Variants in DHRS4L2 observed in about 807,000 individuals in gnomAD.
DHRS4L2 encodes dehydrogenase/reductase 4 like 2, also known as dehydrogenase/reductase SDR family member 4-like 2.
DHRS4L2 carries 22 observed loss-of-function variants against 23.9 expected under a neutral mutation model. That is an observed-to-expected ratio of 0.92 (90% CI 0.66 to 1.31). DHRS4L2 has a LOEUF of 1.31. Among genes scored for constraint, DHRS4L2 ranks in the 40% most tolerant of loss-of-function variants. The probability of loss-of-function intolerance (pLI) is 0.00; values close to 1 mark genes in which losing one functional copy is unlikely to be tolerated. For missense variants in DHRS4L2, 385 were observed against 303.3 expected (o/e 1.27, Z -2.00); for synonymous variants, 141 against 123.7 (o/e 1.14, Z -0.93).
At chr14:23,983,151 C>G (rs1432808235) in intron 1 of DHRS4L2, among the ~76,000 whole-genome samples, 2 of 151,618 alleles carry the variant, frequency 1.3e-5, no homozygotes, top group African/African-American at 2.4e-5. Flanking sequence ...GGGCTAATAT[C>G]CAAAATCTAC....
intron 1 of DHRS4L2, among the ~76,000 whole-genome samples, chr14:23,975,879 G>C (rs1331155284): frequency 6.6e-6 from 1 of 151,630 alleles, no homozygotes; most frequent in South Asian, 2.1e-4. Context: ...TTTAATAAAT[G>C]GTGCTGGGAA....
chr14:23,979,166 A>G (rs2034018636), intron 1 of DHRS4L2, among the ~76,000 whole-genome samples: 1 of 149,122 alleles, frequency 6.7e-6, no homozygotes, highest in Non-Finnish European at 1.5e-5. Context: ...GATAAAACAG[A>G]CTTTAAACCA....
chr14:24,001,651 T>G, intron 6 of DHRS4L2, 134 bp downstream of exon 6: 5 of 1,340,030 alleles, frequency 3.7e-6, no homozygotes, highest in Non-Finnish European at 5.0e-6. Context: ...CCATATTCCC[T>G]CTCTGTACCA....
intron 1 of DHRS4L2, among the ~76,000 whole-genome samples, chr14:23,971,688 A>G (rs181394848): frequency 2.0e-5 from 3 of 152,164 alleles, no homozygotes; most frequent in African/African-American, 7.2e-5. Flanking sequence ...ATTCTGAAAG[A>G]AAAGATTTTT....
At chr14:23,984,389 T>C (rs1041671950), upstream of DHRS4L2, among the ~76,000 whole-genome samples, 2 of 151,638 alleles carry the variant, frequency 1.3e-5, no homozygotes, top group African/African-American at 4.8e-5. Flanking sequence ...TCAGAGAAAA[T>C]TGATTTCTAT....
At chr14:23,979,008 G>C (rs1286177397) in intron 1 of DHRS4L2, among the ~76,000 whole-genome samples, 2 of 142,134 alleles carry the variant, frequency 1.4e-5, no homozygotes, top group African/African-American at 2.7e-5. Flanking sequence ...TGGCAAATTG[G>C]ATAAAGAGTC....
chr14:23,976,947 T>C (rs2033977730), intron 1 of DHRS4L2, among the ~76,000 whole-genome samples: 1 of 150,526 alleles, frequency 6.6e-6, no homozygotes, highest in African/African-American at 2.4e-5. Context: ...CACACCAGGG[T>C]CTGTTGGGGG....
At position 23,989,056 on chromosome 14, in the gene DHRS4L2, G is replaced by T. The variant is rs756901558; in HGVS notation, c.109G>T (p.Val37Leu). ...RDPLTNKVAL[V>L]TASTDGIGFA... ...CCCGCTCACAAATAAGGTGGCCCTGGTAACGGCCTCCACCGACGGGTGAGT... is the reference window on the plus strand; with the variant it reads ...CCCGCTCACAAATAAGGTGGCCCTGTTAACGGCCTCCACCGACGGGTGAGT... Residue 37 changes from valine to leucine, a missense_variant, in exon 1 of 8, where the codon GTA (valine) becomes TTA (leucine). Val to Leu is a conservative substitution (Grantham distance 32, BLOSUM62 1). Coordinates refer to ENST00000335125, the MANE Select transcript of DHRS4L2 (RefSeq NM_198083.4). 2.2e-5 allele frequency: 35 copies of T among 1,585,562 alleles called. 3 individuals carry two copies. Among genetic ancestry groups the T allele is most frequent in the Admixed American group, 5.4e-5 (3 of 55,318 alleles).
chr14:23,999,070 G>A (rs1459026261), intron 3 of DHRS4L2, among the ~76,000 whole-genome samples: 1 of 148,700 alleles, frequency 6.7e-6, no homozygotes, highest in Non-Finnish European at 1.5e-5. Flanking sequence ...CCACAGAGAG[G>A]GAGAGAGATG....
At chr14:23,997,692 C>A (rs765360791) in intron 3 of DHRS4L2, among the ~76,000 whole-genome samples, 2 of 147,226 alleles carry the variant, frequency 1.4e-5, no homozygotes, top group Non-Finnish European at 3.0e-5. Flanking sequence ...GCAATTCAGT[C>A]CTATCTTCCA....
intron 1 of DHRS4L2, among the ~76,000 whole-genome samples, chr14:23,979,264 C>T (rs2034020446): frequency 6.9e-6 from 1 of 144,976 alleles, no homozygotes; most frequent in Non-Finnish European, 1.5e-5. Flanking sequence ...ATATATGTAC[C>T]CAATACAGGA....
chr14:23,982,356 G>A (rs570098356), intron 1 of DHRS4L2, among the ~76,000 whole-genome samples: 9 of 151,680 alleles, frequency 5.9e-5, no homozygotes, highest in Admixed American at 1.3e-4. Context: ...GCTCAAGGTC[G>A]GGGCTAAAGT....
rs1411245758 is a variant in DHRS4L2, at chr14:23,989,086, G to T, written c.128+11G>T. 4 of 1,561,618 alleles carry T rather than the reference G, an allele frequency of 2.6e-6. No homozygotes were observed. The Admixed American group carries it at 7.7e-5, about 30-fold the overall frequency. On this transcript the variant is annotated intron_variant, in intron 1 of 7. Coordinates refer to ENST00000335125, the MANE Select transcript of DHRS4L2 (RefSeq NM_198083.4). The stretch of plus-strand genomic sequence containing the variant: ...GGCCTCCACCGACGGGTGAGTGTTG[G>T]TGCCGGAGTTTCTGAGGCCCTGGCT...
chr14:23,980,793 T>C (rs1345122818), intron 1 of DHRS4L2, among the ~76,000 whole-genome samples: 1 of 151,492 alleles, frequency 6.6e-6, no homozygotes, highest in Non-Finnish European at 1.5e-5. Context: ...TAGGTATTGA[T>C]AGAACGTATC....
intron 2 of DHRS4L2, among the ~76,000 whole-genome samples, chr14:23,992,684 CT>C (rs2034293677): frequency 6.6e-6 from 1 of 151,330 alleles, no homozygotes; most frequent in South Asian, 2.1e-4. Flanking sequence ...ACTTAGAAGA[CT>C]TTCTTTTATT....
chr14:23,994,854 G>T (rs1432924742), intron 2 of DHRS4L2, among the ~76,000 whole-genome samples, 178 bp from the exon 3 acceptor site: 1 of 151,688 alleles, frequency 6.6e-6, no homozygotes, highest in Non-Finnish European at 1.5e-5. Context: ...TCGCTGCATG[G>T]CCCAGGCTTC....
upstream of DHRS4L2, among the ~76,000 whole-genome samples, chr14:23,986,421 C>T (rs1386960758): frequency 8.0e-5 from 12 of 150,452 alleles, 1 homozygote; most frequent in Admixed American, 5.3e-4. Context: ...GATGAGTTAA[C>T]GGGTGCAGCA....
At chr14:24,000,428 A>G (rs903384404) in intron 3 of DHRS4L2, among the ~76,000 whole-genome samples, 1 of 151,632 alleles carries the variant, frequency 6.6e-6, no homozygotes, top group East Asian at 1.9e-4. Flanking sequence ...TAAGCCCAGA[A>G]GCCAGAGAAG....
Position 23,990,224 on chromosome 14 carries a change from C to G in DHRS4L2, c.171C>G (p.Ala57=). The G allele has an allele frequency of 6.2e-7, 1 of 1,612,842 alleles. No individual in the cohort carries two copies. The highest frequency in any genetic ancestry group is 1.7e-4 in the Middle Eastern group (1 of 6,056). The part of the protein sequence containing the change: ...AIARRLAQDR[A]HVVVSSRKQQ... ...CCCGGCGTTTGGCCCAGGACAGGGC[C>G]CACGTGGTCGTCAGCAGCCGGAAGC... Residue 57 remains alanine, a synonymous_variant, in exon 2 of 8, where the codon GCC becomes GCG. Coordinates refer to ENST00000335125, the MANE Select transcript of DHRS4L2 (RefSeq NM_198083.4).
Sources: gnomAD v4.1 joint callset for allele counts (sites outside exome capture counted in the v4.1 genomes callset) on GRCh38, gnomAD v4.1.1 for gene constraint, MANE v1.5 for transcripts, NCBI Gene and HGNC (gene_info 2026-07-23, HGNC 2026-07-21) for gene names.